The following NEMP2 variants were observed in gnomAD, a reference collection of about 807,000 sequenced individuals.
The protein encoded by NEMP2 is nuclear envelope integral membrane protein 2.
NEMP2 carries 53 observed loss-of-function variants against 54.2 expected under a neutral mutation model. The observed-to-expected ratio is 0.98, with a 90% CI of 0.78 to 1.23. The LOEUF (loss-of-function observed/expected upper bound fraction) is 1.23, where lower values mean the gene tolerates loss of function less well. Among genes scored for constraint, NEMP2 ranks in the 50% most tolerant of loss-of-function variants. The pLI is 0.00. For missense variants in NEMP2, 455 were observed against 511.3 expected, an observed-to-expected ratio of 0.89 and a Z score of 1.06; for synonymous variants, 197 against 190.3, an observed-to-expected ratio of 1.04 and a Z score of -0.29.
chr2:190,484,080 A>T, the NEMP2 span, among the ~76,000 whole-genome samples: 1 of 152,226 alleles, frequency 6.6e-6, no homozygotes, highest in Middle Eastern at 3.4e-3. Flanking sequence ...TTCATTCTCA[A>T]TCAATATATT....
chr2:190,501,163 C>T (rs1690004926), downstream of NEMP2: 1 of 152,148 alleles, frequency 6.6e-6, no homozygotes, highest in South Asian at 2.1e-4. Flanking sequence ...TTACAAATCA[C>T]AGTATAAGAT....
At chr2:190,427,164 C>G in the NEMP2 span, among the ~76,000 whole-genome samples, 1 of 152,202 alleles carries the variant, frequency 6.6e-6, no homozygotes, top group African/African-American at 2.4e-5. Flanking sequence ...GCCTTGTTAC[C>G]AACAGGTGGG....
chr2:190,574,809 TCCCTCCCTTC>T, the NEMP2 span, among the ~76,000 whole-genome samples: 2 of 114,642 alleles, frequency 1.7e-5, no homozygotes, highest in African/African-American at 3.4e-5. Flanking sequence ...TTCCCTCCCT[TCCCTCCCTTC>T]CCCCCTTTCT....
the NEMP2 span, among the ~76,000 whole-genome samples, chr2:190,471,021 A>G: frequency 6.6e-6 from 1 of 152,198 alleles, no homozygotes; most frequent in Non-Finnish European, 1.5e-5. This position sits in a 1 kb window ranked among gnomAD's most constrained non-coding sequence, Gnocchi z 4.7. Context: ...AATAATAAGA[A>G]ATTATTGTTT....
In NEMP2 at chr2:190,512,437, T is replaced by C. The variant is rs549269449; in HGVS notation, c.954-1900A>G. 4.6e-5 allele frequency among the ~76,000 whole-genome samples: 7 copies of C among 152,326 alleles called. No homozygotes were observed. In the South Asian group the frequency reaches 8.3e-4, roughly 18 times the overall value. On this transcript the variant is annotated intron_variant, in intron 7 of 8. Transcript: ENST00000409150. The surrounding 1 kb of genome is among the most constrained non-coding windows in gnomAD (Gnocchi z 4.5). ...AGCTCTTTGCAACTAGAAAGTACTA[T>C]ACAAAATAAAGGTATTATTTCTCTG...
chr2:190,592,313 T>C, the NEMP2 span, among the ~76,000 whole-genome samples: 2 of 152,172 alleles, frequency 1.3e-5, no homozygotes, highest in Non-Finnish European at 2.9e-5. This position sits in a 1 kb window ranked among gnomAD's most constrained non-coding sequence, Gnocchi z 4.4. Flanking sequence ...AGTGTATGTA[T>C]AGTAGTTCCA....
At chr2:190,516,208 G>T (rs1690549223) in intron 6 of NEMP2, 62 bp downstream of exon 6, 2 of 1,116,108 alleles carry the variant, frequency 1.8e-6, no homozygotes, top group Middle Eastern at 2.1e-4. Context: ...TCAAAAGAAG[G>T]CCTCTAGTTG....
chr2:190,532,629 CATTCCATTGAAGTGTGTGTT>C (rs1367163895), intron 1 of NEMP2, among the ~76,000 whole-genome samples: 1 of 152,210 alleles, frequency 6.6e-6, no homozygotes, highest in Non-Finnish European at 1.5e-5. Context: ...GAATGTTCTC[CATTCCATTGAAGTGTGTGTT>C]ATTCAAGACA....
chr2:190,437,700 T>C, the NEMP2 span: 2 of 1,049,672 alleles, frequency 1.9e-6, no homozygotes, highest in Non-Finnish European at 2.7e-6. The surrounding 1 kb of genome is among the most constrained non-coding windows in gnomAD (Gnocchi z 5.9). Context: ...GATTTCTGTT[T>C]CTTTTCCTCC....
the NEMP2 span, among the ~76,000 whole-genome samples, chr2:190,579,071 C>CA: frequency 6.6e-6 from 1 of 151,898 alleles, no homozygotes; most frequent in African/African-American, 2.4e-5. Context: ...CATTGTTTGG[C>CA]AGACAGTCTA....
At chr2:190,548,683 T>TTAAACAGATTTTTGTTACTC in the NEMP2 span, among the ~76,000 whole-genome samples, 1 of 152,260 alleles carries the variant, frequency 6.6e-6, no homozygotes, top group African/African-American at 2.4e-5. Flanking sequence ...ATCTTTTATG[T>TTAAACAGATTTTTGTTACTC]TAAACAGATT....
chr2:190,439,842 A>G, the NEMP2 span, among the ~76,000 whole-genome samples: 1 of 152,234 alleles, frequency 6.6e-6, no homozygotes, highest in African/African-American at 2.4e-5. This position sits in a 1 kb window ranked among gnomAD's most constrained non-coding sequence, Gnocchi z 5.8. Flanking sequence ...CTTTTAAAAG[A>G]GTCTGATAGC....
chr2:190,525,521 A>T lies in NEMP2; in HGVS notation c.98-143T>A. 1 of 541,904 alleles carries T rather than the reference A, an allele frequency of 1.8e-6. No individual in the cohort carries two copies. The highest frequency in any genetic ancestry group is 2.7e-5 in the South Asian group (1 of 37,646). The allele number at this position is 541,904 out of a possible 1,614,324, so 33.6% of individuals were successfully genotyped here. On this transcript the variant is annotated intron_variant, in intron 1 of 8. Transcript: ENST00000409150. The surrounding 1 kb of genome is among the most constrained non-coding windows in gnomAD (Gnocchi z 5.0). ...TCCTATATGATAATTATAGTCCTTCAGTGTTTCCAACCAAGGAGGAGACAG... is the reference window on the plus strand; with the variant it reads ...TCCTATATGATAATTATAGTCCTTCTGTGTTTCCAACCAAGGAGGAGACAG...
At chr2:190,588,790 G>T in the NEMP2 span, among the ~76,000 whole-genome samples, 2 of 152,154 alleles carry the variant, frequency 1.3e-5, no homozygotes, top group African/African-American at 2.4e-5. The surrounding 1 kb of genome is among the most constrained non-coding windows in gnomAD (Gnocchi z 5.0). Flanking sequence ...TGATTGGCAA[G>T]TCAGAAGCCT....
chr2:190,534,627 A>G lies in NEMP2; in HGVS notation c.29T>C (p.Leu10Pro), dbSNP rs1178239584. 1 of 1,364,044 alleles carries G rather than the reference A, an allele frequency of 7.3e-7. No individual in the cohort carries two copies. Among genetic ancestry groups the G allele is most frequent in the Non-Finnish European group, 9.4e-7 (1 of 1,062,504 alleles). The allele number at this position is 1,364,044 out of a possible 1,614,324, so 84.5% of individuals were successfully genotyped here. MGPRQGRWW[L>P]LLWLPPLATL... ...GGCCAGGGGCGGCAGCCAGAGCAGC[A>G]GCCACCACCGCCCTTGGCGCGGCCC... Residue 10 changes from leucine (L) to proline (P), a missense_variant, in exon 1 of 9, where the codon CTG becomes CCG. Leu to Pro is a moderately conservative substitution (Grantham distance 98). Coordinates refer to ENST00000409150, the MANE Select transcript of NEMP2 (RefSeq NM_001142645.2).
chr2:190,573,839 G>A, the NEMP2 span, among the ~76,000 whole-genome samples: 1,281 of 152,286 alleles, frequency 8.4e-3, 17 homozygotes, highest in African/African-American at 0.029. Context: ...TTTGCCATTA[G>A]TTTCAGAGTT....
chr2:190,463,750 G>A, the NEMP2 span: 2 of 410,848 alleles, frequency 4.9e-6, no homozygotes, highest in African/African-American at 2.2e-5. The surrounding 1 kb of genome is among the most constrained non-coding windows in gnomAD (Gnocchi z 4.4). Context: ...GGCTCTGGTG[G>A]TCAAGGCTGC....
the NEMP2 span, among the ~76,000 whole-genome samples, chr2:190,466,586 T>A: frequency 2.6e-5 from 4 of 152,228 alleles, no homozygotes; most frequent in African/African-American, 4.8e-5. Flanking sequence ...ATGATGATGA[T>A]GAATCATTTA....
Position 190,533,935 on chromosome 2 carries a change from C to T in NEMP2, c.97+624G>A. 1.0e-6 allele frequency: 1 copy of T among 978,518 alleles called. No homozygotes were observed. Among genetic ancestry groups the T allele is most frequent in the Non-Finnish European group, 1.2e-6 (1 of 823,660 alleles). The allele number at this position is 978,518 out of a possible 1,614,324, so 60.6% of individuals were successfully genotyped here. On this transcript the variant is annotated intron_variant, in intron 1 of 8. Transcript: ENST00000409150. This position sits in a 1 kb window ranked among gnomAD's most constrained non-coding sequence, Gnocchi z 4.3. The stretch of plus-strand genomic sequence containing the variant: ...CGTGGCGAGCCCCTACAGCTAGCAG[C>T]CGCTACCAGTTCTTGCTTCCTGTGT...
Sources: allele counts gnomAD v4.1 joint callset (sites outside exome capture counted in the v4.1 genomes callset), GRCh38; gene constraint gnomAD v4.1.1; non-coding constraint Gnocchi (gnomAD v3.1); transcripts MANE v1.5; gene names NCBI Gene and HGNC (gene_info 2026-07-23, HGNC 2026-07-21).